The following ATF5 variants were observed in gnomAD, a reference collection of about 807,000 sequenced individuals.
The protein encoded by ATF5 is activating transcription factor 5.
A neutral mutation model predicts 4.6 loss-of-function variants in ATF5; 6 were observed. The ratio of observed to expected loss-of-function variants is 1.31; its 90% CI spans 0.72 to 2.59. ATF5 has a LOEUF of 2.59. ATF5 is among the 30% of genes most tolerant of loss of function. The probability of loss-of-function intolerance (pLI) is 0.00; values close to 1 mark genes in which losing one functional copy is unlikely to be tolerated. For synonymous variants in ATF5, 193 were observed against 165.0 expected (o/e 1.17, Z -1.30); for missense variants, 410 against 368.7 (o/e 1.11, Z -0.92).
intron 2 of ATF5, 197 bp downstream of exon 2, chr19:49,931,225 A>T (rs2076059064): frequency 2.2e-6 from 1 of 445,848 alleles, no homozygotes; most frequent in Admixed American, 4.1e-5. Flanking sequence ...AGTAGACCAG[A>T]GATAAATTAA....
chr19:49,931,008 T>TG lies in ATF5; in HGVS notation c.164dup (p.Glu56ArgfsTer6), dbSNP rs747901265. 1.3e-6 allele frequency: 2 copies of TG among 1,554,328 alleles called. No homozygotes were observed. Among genetic ancestry groups the TG allele is most frequent in the Non-Finnish European group, 8.7e-7 (1 of 1,148,978 alleles). On this transcript the variant is annotated frameshift_variant, in exon 2 of 3. Transcript: ENST00000423777. LOFTEE classifies it low-confidence loss of function (END_TRUNC). Reference sequence around the variant, plus strand: ...GGAGCCCTGGAGGGCGGGCTTCCAGTGGGGGGAGAGCCCCTGGCAGGTAAG... The same window carrying TG: ...GGAGCCCTGGAGGGCGGGCTTCCAGTGGGGGGGAGAGCCCCTGGCAGGTAAG...
upstream of ATF5, chr19:49,929,058 G>A (rs1176610856): frequency 1.3e-5 from 2 of 152,274 alleles, no homozygotes; most frequent in East Asian, 1.9e-4. Flanking sequence ...GGAGTGGGAA[G>A]GAAAGGCTCG....
chr19:49,933,290 G>A lies in ATF5; in HGVS notation c.*198G>A, dbSNP rs1185202141. On this transcript the variant is annotated 3_prime_UTR_variant, in exon 3 of 3. Transcript: ENST00000423777. ...AGCCTGGGCAACATAGTAAGACCCT[G>A]TCTCTATTAAAAAAAAAAAATCAAC... 1 of 487,356 alleles carries A rather than the reference G, an allele frequency of 2.1e-6. No homozygotes were observed. Among genetic ancestry groups the A allele is most frequent in the East Asian group, 3.2e-5 (1 of 30,848 alleles). The allele number at this position is 487,356 out of a possible 1,614,324, so 30.2% of individuals were successfully genotyped here.
chr19:49,930,547 G>T, intron 1 of ATF5, 185 bp from the exon 2 acceptor site: 1 of 314,550 alleles, frequency 3.2e-6, no homozygotes, highest in Non-Finnish European at 5.8e-6. Context: ...GGGGCTCAGA[G>T]ATTTGGGTAA....
At position 49,933,117 on chromosome 19, in the gene ATF5, GGCT is replaced by G; in HGVS notation, c.*27_*29del. On this transcript the variant is annotated 3_prime_UTR_variant, in exon 3 of 3. Transcript: ENST00000423777. ...GAAGGGCAGGGGTGTGGCTTCTGGG[GGCT>G]GGTCTTCAGCTCTGGCGCCTTCATC... The G allele has an allele frequency of 6.5e-7, 1 of 1,544,724 alleles. No homozygotes were observed. The highest frequency in any genetic ancestry group is 1.2e-5 in the South Asian group (1 of 80,598).
Position 49,932,492 on chromosome 19 carries a change from A to AACCC in ATF5, c.249_250insACCC (p.Pro84ThrfsTer15). The AACCC allele has an allele frequency of 6.7e-7, 1 of 1,486,478 alleles. No homozygotes were observed. Among genetic ancestry groups the AACCC allele is most frequent in the Non-Finnish European group, 9.2e-7 (1 of 1,092,114 alleles). The allele number at this position is 1,486,478 out of a possible 1,614,324, so 92.1% of individuals were successfully genotyped here. The stretch of plus-strand genomic sequence containing the variant: ...CTCTCCTCCCTCTGGAGCCTCCCTT[A>AACCC]CCCCCCGGCACCCTCCCCCAACCTT... On this transcript the variant is annotated frameshift_variant, in exon 3 of 3. Transcript: ENST00000423777. LOFTEE classifies it low-confidence loss of function (END_TRUNC).
intron 1 of ATF5, chr19:49,930,186 TAAAC>T (rs964627866): frequency 1.6e-4 from 24 of 146,948 alleles, no homozygotes; most frequent in Non-Finnish European, 3.2e-4. Context: ...CGGAGCTAAA[TAAAC>T]AATGAGGGGC....
In ATF5 at chr19:49,932,933, G is replaced by T; in HGVS notation, c.690G>T (p.Arg230=). The T allele has an allele frequency of 6.2e-7, 1 of 1,614,004 alleles. No individual in the cohort carries two copies. Among genetic ancestry groups the T allele is most frequent in the Non-Finnish European group, 8.5e-7 (1 of 1,179,934 alleles). The change falls in exon 3 of 3, where the codon CGG becomes CGT. Residue 230 remains arginine (R), a synonymous_variant. Transcript: ENST00000423777. ...SAALRYRQRK[R]AEGEALEGEC... is the part of the protein sequence containing the mutation. ...CTCTGAGGTACCGCCAGCGGAAGCG[G>T]GCAGAGGGTGAGGCCCTGGAGGGCG...
chr19:49,931,973 T>C (rs2076067738), intron 2 of ATF5, among the ~76,000 whole-genome samples: 1 of 151,906 alleles, frequency 6.6e-6, no homozygotes, highest in Non-Finnish European at 1.5e-5. Flanking sequence ...GCTTGAGTCA[T>C]TGGTTGGTTG....
At position 49,933,047 on chromosome 19, in the gene ATF5, C is replaced by T. The variant is rs1350882415; in HGVS notation, c.804C>T (p.Leu268=). The part of the protein sequence containing the change: ...EREIQYVKDL[L]IEVYKARSQR... Reference sequence around the variant, plus strand: ...AGATCCAGTACGTCAAGGACCTGCTCATCGAGGTTTACAAGGCCCGGAGCC... The same window carrying T: ...AGATCCAGTACGTCAAGGACCTGCTTATCGAGGTTTACAAGGCCCGGAGCC... Residue 268 remains leucine, a synonymous_variant, in exon 3 of 3, where the codon CTC becomes CTT. Transcript: ENST00000423777. The T allele has an allele frequency of 1.9e-6, 3 of 1,606,318 alleles. No homozygotes were observed. The highest frequency in any genetic ancestry group is 2.2e-5 in the East Asian group (1 of 44,656).
chr19:49,931,483 A>G (rs1024783917), intron 2 of ATF5, among the ~76,000 whole-genome samples: 13 of 151,968 alleles, frequency 8.6e-5, no homozygotes, highest in Non-Finnish European at 1.8e-4. Context: ...CCTCATATCT[A>G]TAGGAAAAAA....
In ATF5 at chr19:49,931,109, AAAT is replaced by A. The variant is rs772430536; in HGVS notation, c.178+83_178+85del. On this transcript the variant is annotated intron_variant, in intron 2 of 2. Coordinates refer to ENST00000423777, the MANE Select transcript of ATF5 (RefSeq NM_001193646.2). ...GGAAGAACTCATCCATGTATTCAAT[AAAT>A]ATTGAGTGCCTACAATGTGCCAGGC... 134 of 1,260,010 alleles carry A rather than the reference AAAT, an allele frequency of 1.1e-4. No individual in the cohort carries two copies. In the East Asian group the frequency reaches 3.2e-3, roughly 30 times the overall value. 78.1% of individuals were successfully genotyped at this position (1,260,010 alleles called of 1,614,324 possible). A position where few individuals can be genotyped will look rare whatever the true frequency, so the allele number is the denominator to read the frequency against.
intron 1 of ATF5, chr19:49,929,788 G>A (rs1185513307): frequency 1.3e-5 from 2 of 152,392 alleles, no homozygotes; most frequent in South Asian, 4.1e-4. Context: ...GAGGTGTAAA[G>A]GCAATTGGAC....
chr19:49,930,716 T>C lies in ATF5; in HGVS notation c.-119-16T>C, dbSNP rs565559592. 7.3e-6 allele frequency: 5 copies of C among 686,770 alleles called. No individual in the cohort carries two copies. The highest frequency in any genetic ancestry group is 4.7e-5 in the South Asian group (2 of 42,632). The allele number at this position is 686,770 out of a possible 1,614,324, so 42.5% of individuals were successfully genotyped here. ...ACGCTGTCCTGACCACACCCACTCT[T>C]GTCTCACGCGTGTAGGTCTTCCACT... On this transcript the variant is annotated splice_polypyrimidine_tract_variant and intron_variant, in intron 1 of 2. Transcript: ENST00000423777.
rs751494115 is a variant in ATF5, at chr19:49,932,669, C to T, written c.426C>T (p.Pro142=). The change falls in exon 3 of 3, where the codon CCC becomes CCT. Residue 142 remains proline (P), a synonymous_variant. Coordinates refer to ENST00000423777, the MANE Select transcript of ATF5 (RefSeq NM_001193646.2). The part of the protein sequence containing the change: ...PPPLPPAPSL[P]LSLPSFDLPQ... ...CACTACCACCAGCCCCCTCCCTCCC[C>T]CTGTCCCTCCCCTCCTTTGACCTCC... 1 of 1,537,450 alleles carries T rather than the reference C, an allele frequency of 6.5e-7. No individual in the cohort carries two copies.
At chr19:49,929,924 C>G (rs1464260707) in intron 1 of ATF5, 2 of 152,358 alleles carry the variant, frequency 1.3e-5, no homozygotes, top group East Asian at 3.8e-4. Context: ...CCACGTTGCT[C>G]TGGCTCACAG....
In ATF5 at chr19:49,931,020, C is replaced by G; in HGVS notation, c.170C>G (p.Pro57Arg). The G allele has an allele frequency of 2.6e-6, 4 of 1,541,202 alleles. No individual in the cohort carries two copies. Among genetic ancestry groups the G allele is most frequent in the Non-Finnish European group, 3.5e-6 (4 of 1,140,998 alleles). ...GGCGGGCTTCCAGTGGGGGGAGAGC[C>G]CCTGGCAGGTAAGGGCAGGTGGAAG... ...LEGGLPVGGE[P>R]LAGDGFSDWM... The change falls in exon 2 of 3, where the codon CCC becomes CGC. Residue 57 changes from proline (P) to arginine (R), a missense_variant. Physicochemically the swap from Pro to Arg is moderately radical, Grantham distance 103 (BLOSUM62 -2). Transcript: ENST00000423777.
intron 2 of ATF5, 21 bp from the exon 3 acceptor site, chr19:49,932,401 C>A (rs751707871): frequency 4.3e-6 from 7 of 1,613,700 alleles, no homozygotes; most frequent in Non-Finnish European, 5.9e-6. Flanking sequence ...AATTTTGTGT[C>A]CCTCCCCACT....
chr19:49,929,469 G>C (rs1377165313), intron 1 of ATF5, 69 bp downstream of exon 1: 1 of 152,486 alleles, frequency 6.6e-6, no homozygotes, highest in African/African-American at 2.4e-5. Context: ...CCTCTTTAGG[G>C]AGCCCTGGGG....
Sources: gnomAD v4.1 joint callset for allele counts (sites outside exome capture counted in the v4.1 genomes callset) on GRCh38, gnomAD v4.1.1 for gene constraint, MANE v1.5 for transcripts, NCBI Gene and HGNC (gene_info 2026-07-23, HGNC 2026-07-21) for gene names.